NRG1: variants seen among roughly 807,000 people sequenced by gnomAD.
The protein encoded by NRG1 is neuregulin 1.
A neutral mutation model predicts 63.8 loss-of-function variants in NRG1; 18 were observed. That is an observed-to-expected ratio of 0.28 (90% confidence interval 0.19 to 0.42). NRG1 has a LOEUF of 0.42. NRG1 is among the 10% of genes least tolerant of loss of function. NRG1 has a pLI of 1.00. For synonymous variants in NRG1, 302 were observed against 301.3 expected, an observed-to-expected ratio of 1.00 and a Z score of -0.02; for missense variants, 762 against 814.7, an observed-to-expected ratio of 0.94 and a Z score of 0.79.
chr8:31,830,978 T>G (rs1825096286), intron 1 of NRG1, among the ~76,000 whole-genome samples: 1 of 152,110 alleles, frequency 6.6e-6, no homozygotes, highest in Non-Finnish European at 1.5e-5. Flanking sequence ...GATGCCTAAA[T>G]GACAACTTGG....
chr8:32,014,917 A>C (rs568269411), intron 1 of NRG1, among the ~76,000 whole-genome samples: 4 of 152,244 alleles, frequency 2.6e-5, no homozygotes, highest in Admixed American at 1.3e-4. Flanking sequence ...GCAGTGATCA[A>C]GGTGATCCAG....
At chr8:32,246,112 T>C (rs1396356407) in intron 1 of NRG1, among the ~76,000 whole-genome samples, 2 of 152,166 alleles carry the variant, frequency 1.3e-5, no homozygotes, top group Non-Finnish European at 2.9e-5. Flanking sequence ...ATAATGAGAA[T>C]ACTCAGTAAG....
At chr8:32,308,447 T>C (rs986351848) in intron 1 of NRG1, among the ~76,000 whole-genome samples, 1 of 152,252 alleles carries the variant, frequency 6.6e-6, no homozygotes, top group Non-Finnish European at 1.5e-5. Context: ...CATTCTCTGA[T>C]CCCAACCACC....
intron 5 of NRG1, among the ~76,000 whole-genome samples, chr8:32,696,723 G>T (rs1183426454): frequency 3.6e-5 from 5 of 140,806 alleles, no homozygotes; most frequent in African/African-American, 8.0e-5. Flanking sequence ...GTGCAATGGC[G>T]CAATCTTGAC....
At chr8:32,003,833 T>G (rs572333342) in intron 1 of NRG1, among the ~76,000 whole-genome samples, 7 of 151,872 alleles carry the variant, frequency 4.6e-5, no homozygotes, top group Non-Finnish European at 1.0e-4. Context: ...AAACAAGTAT[T>G]CAATTGTTAT....
At chr8:32,752,352 C>T (rs1416786930) in intron 7 of NRG1, among the ~76,000 whole-genome samples, 1 of 152,168 alleles carries the variant, frequency 6.6e-6, no homozygotes. Context: ...GGAGGGGAGG[C>T]AGCAGACATA....
intron 1 of NRG1, among the ~76,000 whole-genome samples, chr8:32,219,198 G>A (rs1270546793): frequency 6.6e-6 from 1 of 152,074 alleles, no homozygotes; most frequent in Non-Finnish European, 1.5e-5. Context: ...GCTATAGTTG[G>A]CAACATGATT....
At chr8:32,211,968 A>G (rs1319216863) in intron 1 of NRG1, among the ~76,000 whole-genome samples, 3 of 152,198 alleles carry the variant, frequency 2.0e-5, no homozygotes, top group Non-Finnish European at 4.4e-5. Flanking sequence ...TTAAATAATG[A>G]AAAGTCCATA....
intron 5 of NRG1, chr8:32,647,961 C>T: frequency 6.2e-7 from 1 of 1,614,210 alleles, no homozygotes; most frequent in Middle Eastern, 1.6e-4. Context: ...TGTCCCCATC[C>T]TGGCTTGCCT....
chr8:32,303,950 A>G (rs971086430), intron 1 of NRG1, among the ~76,000 whole-genome samples: 1 of 152,248 alleles, frequency 6.6e-6, no homozygotes, highest in Non-Finnish European at 1.5e-5. Flanking sequence ...GTAAGTTTCA[A>G]ATTTTTGAAA....
At chr8:31,847,174 T>C (rs562419752) in intron 1 of NRG1, among the ~76,000 whole-genome samples, 48 of 152,348 alleles carry the variant, frequency 3.2e-4, no homozygotes, top group African/African-American at 1.1e-3. Context: ...TTGCATCTCA[T>C]TGGTGTTACA....
chr8:32,461,553 C>T (rs1587784698), intron 1 of NRG1, among the ~76,000 whole-genome samples: 1 of 152,188 alleles, frequency 6.6e-6, no homozygotes, highest in East Asian at 1.9e-4. Context: ...ACAAAATTAG[C>T]TGGGTGTGGT....
At chr8:31,742,191 A>C (rs1267060757) in intron 1 of NRG1, among the ~76,000 whole-genome samples, 3 of 151,968 alleles carry the variant, frequency 2.0e-5, no homozygotes, top group East Asian at 3.9e-4. Context: ...TGGTAGAACT[A>C]TAGAGAATTT....
At chr8:31,709,706 T>C (rs1458973062) in intron 1 of NRG1, among the ~76,000 whole-genome samples, 2 of 152,030 alleles carry the variant, frequency 1.3e-5, no homozygotes, top group African/African-American at 4.8e-5. Context: ...GAAAATTACA[T>C]ATCTCATCCA....
At chr8:32,111,311 T>C (rs544205146) in intron 1 of NRG1, among the ~76,000 whole-genome samples, 170 of 152,078 alleles carry the variant, frequency 1.1e-3, no homozygotes, top group Non-Finnish European at 2.1e-3. Flanking sequence ...GAGACGGGGT[T>C]TCACTATGTT....
At chr8:32,429,223 T>C (rs1817821416) in intron 1 of NRG1, among the ~76,000 whole-genome samples, 2 of 152,186 alleles carry the variant, frequency 1.3e-5, no homozygotes, top group Admixed American at 6.5e-5. Flanking sequence ...GTTACCCTCC[T>C]CTTTGTTTTT....
chr8:32,048,337 A>G (rs185459112), intron 1 of NRG1, among the ~76,000 whole-genome samples: 1 of 148,746 alleles, frequency 6.7e-6, no homozygotes, highest in African/African-American at 2.5e-5. Flanking sequence ...ATGTACATGT[A>G]TGTATGTATG....
At chr8:32,182,914 T>C (rs1219031715) in intron 1 of NRG1, among the ~76,000 whole-genome samples, 1 of 152,166 alleles carries the variant, frequency 6.6e-6, no homozygotes, top group Non-Finnish European at 1.5e-5. Context: ...AAACGTTTCA[T>C]TTTTCCTCCG....
intron 1 of NRG1, among the ~76,000 whole-genome samples, chr8:31,739,132 C>G (rs905972670): frequency 3.3e-5 from 5 of 152,098 alleles, no homozygotes; most frequent in Non-Finnish European, 7.4e-5. Flanking sequence ...AGTAGTATTT[C>G]TGGCTCTACT....
Sources: gnomAD v4.1 joint callset for allele counts (sites outside exome capture counted in the v4.1 genomes callset) on GRCh38, gnomAD v4.1.1 for gene constraint, MANE v1.5 for transcripts, NCBI Gene and HGNC (gene_info 2026-07-23, HGNC 2026-07-21) for gene names.